The following CNTN5 variants were observed in gnomAD, a reference collection of about 807,000 sequenced individuals.
CNTN5 encodes the protein contactin-5.
CNTN5 carries 77 observed loss-of-function variants against 129.1 expected under a neutral mutation model. The observed-to-expected ratio is 0.60, with a 90% CI of 0.50 to 0.72. The LOEUF is 0.72. Among genes scored for constraint, CNTN5 ranks in the 30% least tolerant of loss-of-function variants. CNTN5 has a pLI of 0.00. For synonymous variants in CNTN5, 509 were observed against 465.6 expected (o/e 1.09, Z -1.20); for missense variants, 1,478 against 1,328.8 (o/e 1.11, Z -1.75).
intron 3 of CNTN5, among the ~76,000 whole-genome samples, chr11:99,782,659 T>C (rs1945354364): frequency 6.6e-6 from 1 of 151,804 alleles, no homozygotes; most frequent in South Asian, 2.1e-4. Context: ...AACAGAGCCC[T>C]CAGAAATAAC....
intron 2 of CNTN5, among the ~76,000 whole-genome samples, chr11:99,446,065 G>A (rs1349354319): frequency 2.2e-5 from 3 of 139,444 alleles, no homozygotes; most frequent in Non-Finnish European, 4.6e-5. Context: ...GCCTGGGGGA[G>A]AAGAGCGAGA....
chr11:100,335,200 C>G (rs1952010080), intron 21 of CNTN5, among the ~76,000 whole-genome samples: 1 of 151,770 alleles, frequency 6.6e-6, no homozygotes, highest in Admixed American at 6.6e-5. Flanking sequence ...ATTGGACAAG[C>G]AAAGACAAAA....
intron 3 of CNTN5, among the ~76,000 whole-genome samples, chr11:99,751,022 G>A (rs1439348139): frequency 6.6e-6 from 1 of 152,188 alleles, no homozygotes; most frequent in African/African-American, 2.4e-5. Flanking sequence ...TCAGTGTGAA[G>A]GAAGTGAGAT....
chr11:99,545,791 C>T (rs1176809275), intron 2 of CNTN5, among the ~76,000 whole-genome samples: 1 of 152,186 alleles, frequency 6.6e-6, no homozygotes, highest in Admixed American at 6.5e-5. Flanking sequence ...CATGTTCTCA[C>T]TGGTTTGTTT....
At chr11:99,540,281 T>G (rs1325928012) in intron 2 of CNTN5, among the ~76,000 whole-genome samples, 3 of 152,206 alleles carry the variant, frequency 2.0e-5, no homozygotes, top group African/African-American at 4.8e-5. Context: ...AACGAAAAAG[T>G]GCATACAATG....
chr11:99,878,359 T>A (rs1046237540), intron 6 of CNTN5, among the ~76,000 whole-genome samples: 12 of 152,198 alleles, frequency 7.9e-5, no homozygotes, highest in African/African-American at 2.2e-4. Flanking sequence ...GGAAAGCTAC[T>A]AATGGCATGT....
chr11:99,361,796 G>A (rs775807012), intron 2 of CNTN5, among the ~76,000 whole-genome samples: 1 of 92,418 alleles, frequency 1.1e-5, no homozygotes, highest in East Asian at 3.3e-4. Flanking sequence ...AAGATCATCC[G>A]TGTCATGGCA....
chr11:99,859,959 C>G (rs912553792), intron 6 of CNTN5, among the ~76,000 whole-genome samples: 4 of 152,194 alleles, frequency 2.6e-5, no homozygotes, highest in Admixed American at 6.5e-5. Context: ...ACATTCCCAT[C>G]AACAGTGTAC....
At chr11:99,293,479 G>T (rs1005137078) in intron 1 of CNTN5, among the ~76,000 whole-genome samples, 1 of 152,132 alleles carries the variant, frequency 6.6e-6, no homozygotes, top group Non-Finnish European at 1.5e-5. Context: ...TATTGGAACA[G>T]TTTGAGTATA....
chr11:100,130,369 CT>C (rs1468056720), intron 13 of CNTN5, among the ~76,000 whole-genome samples: 12 of 152,242 alleles, frequency 7.9e-5, no homozygotes, highest in Non-Finnish European at 1.5e-4. Context: ...GACGTAGTCC[CT>C]GCTCTCACGT....
At chr11:99,118,029 C>T (rs912031278) in intron 1 of CNTN5, among the ~76,000 whole-genome samples, 2 of 152,022 alleles carry the variant, frequency 1.3e-5, no homozygotes, top group African/African-American at 4.8e-5. Flanking sequence ...CTGCATACTG[C>T]TATTATGAAT....
chr11:99,021,776 G>A (rs1164007202), intron 1 of CNTN5, among the ~76,000 whole-genome samples: 1 of 152,178 alleles, frequency 6.6e-6, no homozygotes, highest in East Asian at 1.9e-4. Context: ...CAAAGTTCGT[G>A]AGACTGAGAA....
intron 3 of CNTN5, among the ~76,000 whole-genome samples, chr11:99,710,249 C>A (rs1331087084): frequency 6.6e-6 from 1 of 151,792 alleles, no homozygotes; most frequent in Middle Eastern, 3.4e-3. Flanking sequence ...CTTTACCCTG[C>A]GTCAAGAATC....
intron 1 of CNTN5, among the ~76,000 whole-genome samples, chr11:99,250,568 A>G (rs543248947): frequency 3.2e-4 from 49 of 152,020 alleles, no homozygotes; most frequent in Non-Finnish European, 6.5e-4. Flanking sequence ...TGTATTTTAA[A>G]TTCATGCTGA....
chr11:99,334,948 A>C (rs536086747), intron 2 of CNTN5, among the ~76,000 whole-genome samples: 1 of 152,042 alleles, frequency 6.6e-6, no homozygotes, highest in Admixed American at 6.6e-5. Context: ...CTGGCCCTCA[A>C]CCTAACTATC....
At chr11:99,869,126 G>A (rs1000671803) in intron 6 of CNTN5, among the ~76,000 whole-genome samples, 2 of 152,208 alleles carry the variant, frequency 1.3e-5, no homozygotes, top group South Asian at 4.2e-4. Flanking sequence ...AAAACATTAT[G>A]TTTCAGATAA....
chr11:99,413,979 T>G (rs2135022029), intron 2 of CNTN5, among the ~76,000 whole-genome samples: 1 of 152,342 alleles, frequency 6.6e-6, no homozygotes, highest in South Asian at 2.1e-4. Flanking sequence ...ACCAAGCTGT[T>G]GAGCTAGAAA....
intron 7 of CNTN5, among the ~76,000 whole-genome samples, chr11:99,924,276 T>C (rs1275375309): frequency 1.1e-4 from 16 of 152,152 alleles, no homozygotes; most frequent in Admixed American, 1.0e-3. Flanking sequence ...TTTTTGGTTT[T>C]GTTGCATTTG....
chr11:99,508,228 C>T (rs1565241844), intron 2 of CNTN5, among the ~76,000 whole-genome samples: 1 of 152,048 alleles, frequency 6.6e-6, no homozygotes, highest in African/African-American at 2.4e-5. Flanking sequence ...ATAATATTTG[C>T]CTCATAAGCT....
Sources: allele counts gnomAD v4.1 joint callset (sites outside exome capture counted in the v4.1 genomes callset), GRCh38; gene constraint gnomAD v4.1.1; transcripts MANE v1.5; gene names NCBI Gene and HGNC (gene_info 2026-07-23, HGNC 2026-07-21).